Variants in MAPK10 observed in about 807,000 individuals in gnomAD.
The protein encoded by MAPK10 is JNK3 alpha protein kinase.
MAPK10 carries 25 observed loss-of-function variants against 59.3 expected under a neutral mutation model. That is an observed-to-expected ratio of 0.42 (90% confidence interval 0.31 to 0.59). The LOEUF is 0.59. MAPK10 is among the 20% of genes least tolerant of loss of function. The probability of loss-of-function intolerance (pLI) is 0.15; values close to 1 mark genes in which losing one functional copy is unlikely to be tolerated. For synonymous variants in MAPK10, 190 were observed against 200.5 expected, an observed-to-expected ratio of 0.95 and a Z score of 0.44; for missense variants, 351 against 568.9, an observed-to-expected ratio of 0.62 and a Z score of 3.90.
chr4:86,209,661 T>C (rs185580608), intron 2 of MAPK10, among the ~76,000 whole-genome samples: 66 of 152,188 alleles, frequency 4.3e-4, no homozygotes, highest in African/African-American at 1.6e-3. Context: ...AATGTTTATG[T>C]ATTGGAGGAA....
intron 1 of MAPK10, among the ~76,000 whole-genome samples, chr4:86,546,393 C>CA (rs78851488): frequency 0.031 from 4,075 of 130,950 alleles, 140 homozygotes; most frequent in African/African-American, 0.087. Flanking sequence ...ACTAAAAATA[C>CA]AAAAAAAAAA....
chr4:86,406,433 G>C (rs1384027524), intron 1 of MAPK10, among the ~76,000 whole-genome samples: 1 of 152,082 alleles, frequency 6.6e-6, no homozygotes, highest in Non-Finnish European at 1.5e-5. Flanking sequence ...CTGTACAATA[G>C]GGCTAGTCCC....
intron 1 of MAPK10, among the ~76,000 whole-genome samples, chr4:86,433,686 G>A (rs939230868): frequency 1.3e-5 from 2 of 150,058 alleles, no homozygotes; most frequent in Non-Finnish European, 3.0e-5. Flanking sequence ...ATACAGGCAT[G>A]AACTATCGCA....
intron 1 of MAPK10, among the ~76,000 whole-genome samples, chr4:86,470,672 T>C (rs969299570): frequency 3.3e-5 from 5 of 152,186 alleles, no homozygotes; most frequent in African/African-American, 1.2e-4. Flanking sequence ...GCTACTTCTT[T>C]ATTCTCCCTT....
intron 2 of MAPK10, among the ~76,000 whole-genome samples, chr4:86,246,133 T>G (rs923748058): frequency 1.3e-5 from 2 of 152,098 alleles, no homozygotes; most frequent in Non-Finnish European, 2.9e-5. Flanking sequence ...TAAATAACCT[T>G]AAAAGTCAAG....
chr4:86,051,367 T>C (rs1032207064), intron 11 of MAPK10, among the ~76,000 whole-genome samples: 1 of 152,192 alleles, frequency 6.6e-6, no homozygotes, highest in African/African-American at 2.4e-5. Flanking sequence ...GTCATGGATC[T>C]ACACTTGGGA....
intron 9 of MAPK10, among the ~76,000 whole-genome samples, chr4:86,083,390 C>T (rs1390757798): frequency 6.6e-6 from 1 of 152,144 alleles, no homozygotes; most frequent in African/African-American, 2.4e-5. Context: ...AGAGGGAGAG[C>T]ATAGCATTTG....
chr4:86,181,739 G>T (rs2149284450), intron 3 of MAPK10, among the ~76,000 whole-genome samples: 1 of 152,216 alleles, frequency 6.6e-6, no homozygotes, highest in South Asian at 2.1e-4. Context: ...CTGACCCTGA[G>T]ATAGTACCAC....
chr4:86,194,216 T>G, intron 3 of MAPK10, 120 bp downstream of exon 3: 1 of 785,664 alleles, frequency 1.3e-6, no homozygotes, highest in East Asian at 2.5e-5. Flanking sequence ...CTCCTAATTC[T>G]AAACTACTGT....
chr4:86,089,496 C>T lies in MAPK10; in HGVS notation c.802+9028G>A, dbSNP rs2052645890. 1.1e-5 allele frequency: 5 copies of T among 465,782 alleles called. No individual in the cohort carries two copies. The South Asian group carries it at 2.1e-4, about 20-fold the overall frequency. The allele number at this position is 465,782 out of a possible 1,614,324, so 28.9% of individuals were successfully genotyped here. A position where few individuals can be genotyped will look rare whatever the true frequency, so the allele number is the denominator to read the frequency against. On this transcript the variant is annotated intron_variant, in intron 9 of 13. Coordinates refer to ENST00000641462, the MANE Select transcript of MAPK10 (RefSeq NM_138982.4). Reference sequence around the variant, plus strand: ...CATATAACAGAAATAACAACACTACCCAATGCTACCTAATGTAGAATAATA... The same window carrying T: ...CATATAACAGAAATAACAACACTACTCAATGCTACCTAATGTAGAATAATA...
At chr4:86,408,277 C>T (rs1463182402) in intron 1 of MAPK10, among the ~76,000 whole-genome samples, 8 of 152,098 alleles carry the variant, frequency 5.3e-5, no homozygotes, top group African/African-American at 7.2e-5. Context: ...ATATGTGCCA[C>T]ATTTTCTTAA....
chr4:86,525,271 G>A (rs1757394354), intron 1 of MAPK10, among the ~76,000 whole-genome samples: 1 of 152,044 alleles, frequency 6.6e-6, no homozygotes, highest in African/African-American at 2.4e-5. Flanking sequence ...ACTCCAGCCT[G>A]GGTGACAGAG....
Position 86,501,225 on chromosome 4 carries a change from A to C in MAPK10, c.-263+92685T>G, listed in dbSNP as rs1755300220. Among the ~76,000 whole-genome samples, 6 of 152,044 alleles carry C rather than the reference A, an allele frequency of 3.9e-5. No homozygotes were observed. The South Asian group carries it at 1.2e-3, about 32-fold the overall frequency. On this transcript the variant is annotated intron_variant, in intron 1 of 4. Transcript: ENST00000502302. Reference sequence around the variant, plus strand: ...TAAAAACAATAAATTGAAAACCTTGAAAATTAGTTCAGGTAATAGTTCTTG... The same window carrying C: ...TAAAAACAATAAATTGAAAACCTTGCAAATTAGTTCAGGTAATAGTTCTTG...
chr4:86,264,479 G>A (rs2148752132), intron 2 of MAPK10, among the ~76,000 whole-genome samples: 2 of 152,242 alleles, frequency 1.3e-5, no homozygotes, highest in Admixed American at 1.3e-4. Context: ...AGCCTTATAG[G>A]CTGAATAGCT....
At chr4:86,589,998 A>T (rs1426818578) in intron 1 of MAPK10, among the ~76,000 whole-genome samples, 1 of 151,996 alleles carries the variant, frequency 6.6e-6, no homozygotes, top group East Asian at 1.9e-4. Flanking sequence ...AAAAAAAAAA[A>T]AGGGAATAGC....
rs1326361489 is a variant in MAPK10 at position 86,102,043 on chromosome 4, G to T, written c.426-11C>A. 6.2e-7 allele frequency: 1 copy of T among 1,612,818 alleles called. No individual in the cohort carries two copies. Among genetic ancestry groups the T allele is most frequent in the Non-Finnish European group, 8.5e-7 (1 of 1,178,990 alleles). ...TCCATTACTAAGTAACTAGAAGGGT[G>T]AATCCACAGTGTTAGTTCCAGATCA... On this transcript the variant is annotated splice_polypyrimidine_tract_variant and intron_variant, in intron 6 of 13. Transcript: ENST00000641462.
intron 2 of MAPK10, among the ~76,000 whole-genome samples, chr4:86,234,522 T>C (rs2092002320): frequency 6.6e-6 from 1 of 152,098 alleles, no homozygotes; most frequent in African/African-American, 2.4e-5. Flanking sequence ...TCTGTGAATA[T>C]CTAGGGCAAA....
intron 1 of MAPK10, among the ~76,000 whole-genome samples, chr4:86,461,634 G>C (rs1014395187): frequency 3.3e-5 from 5 of 152,190 alleles, no homozygotes; most frequent in African/African-American, 1.2e-4. Flanking sequence ...GGAGGAAGGA[G>C]AGTATAATGA....
chr4:86,454,203 G>T (rs1311211876), upstream of MAPK10, among the ~76,000 whole-genome samples: 1 of 152,098 alleles, frequency 6.6e-6, no homozygotes. Context: ...GATGAAACAA[G>T]GTTCTTTAAC....
Sources: allele counts gnomAD v4.1 joint callset (sites outside exome capture counted in the v4.1 genomes callset), GRCh38; gene constraint gnomAD v4.1.1; transcripts MANE v1.5; gene names NCBI Gene and HGNC (gene_info 2026-07-23, HGNC 2026-07-21).